NBPF9: variants seen among roughly 807,000 people sequenced by gnomAD.
NBPF9 encodes the protein NBPF member 9, also known as NBPF family member NBPF9.
Under a neutral mutation model 97.8 loss-of-function variants are expected in NBPF9, and 91 were observed. The observed-to-expected ratio is 0.93, with a 90% CI of 0.79 to 1.11. The LOEUF is 1.11. NBPF9 is among the 50% of genes least tolerant of loss of function. The probability of loss-of-function intolerance (pLI) is 0.00; values close to 1 mark genes in which losing one functional copy is unlikely to be tolerated. For missense variants in NBPF9, 992 were observed against 939.5 expected (o/e 1.06, Z -0.73); for synonymous variants, 334 against 359.5 (o/e 0.93, Z 0.80).
At chr1:149,062,364 G>T (rs1175964107) in intron 21 of NBPF9, 99 bp from the exon 22 acceptor site, 2 of 645,508 alleles carry the variant, frequency 3.1e-6, no homozygotes, top group South Asian at 1.7e-5. Context: ...TGTTTAAAAA[G>T]AAAAAGGACA....
intron 5 of NBPF9, among the ~76,000 whole-genome samples, chr1:149,084,709 A>C (rs2080847832): frequency 1.3e-5 from 2 of 151,308 alleles, no homozygotes; most frequent in African/African-American, 4.9e-5. Context: ...CCCAGGGAAA[A>C]CCTTCCTCAA....
chr1:149,103,028 G>C (rs587629204), intron 1 of NBPF9, among the ~76,000 whole-genome samples, 181 bp from the exon 2 acceptor site: 6 of 151,658 alleles, frequency 4.0e-5, no homozygotes, highest in Non-Finnish European at 8.8e-5. Context: ...GAAGCTGCTC[G>C]TCCCTCCACC....
At chr1:149,054,195 ACT>A (rs2078067740) in exon 30 of NBPF9, 1 of 137,974 alleles carries the variant, frequency 7.2e-6, no homozygotes, top group South Asian at 2.6e-4. Context: ...AAAAATTAAA[ACT>A]CAGGCAGAGA....
rs1280601669 is a variant in NBPF9, at chr1:149,079,311, T to C, written c.279-90A>G. The C allele has an allele frequency of 3.3e-5, 43 of 1,322,458 alleles. 1 individual carries two copies. The highest frequency in any genetic ancestry group is 4.3e-5 in the Non-Finnish European group (40 of 926,122). 81.9% of individuals were successfully genotyped at this position (1,322,458 alleles called of 1,614,324 possible). On this transcript the variant is annotated intron_variant, in intron 8 of 29. Coordinates refer to ENST00000584027, the Ensembl canonical transcript of NBPF9. Reference sequence around the variant, plus strand: ...AACAGAGACTTCTGAGATAATGTCCTCAAGGAGACCTTGAAACAGAAGGTC... The same window carrying C: ...AACAGAGACTTCTGAGATAATGTCCCCAAGGAGACCTTGAAACAGAAGGTC...
At position 149,072,949 on chromosome 1, in the gene NBPF9, G is replaced by C. The variant is rs1553653325; in HGVS notation, c.1092-17C>G. The C allele has an allele frequency of 1.9e-6, 3 of 1,605,806 alleles. No individual in the cohort carries two copies. The highest frequency in any genetic ancestry group is 2.6e-6 in the Non-Finnish European group (3 of 1,174,742). ...TTATATTGCCTAAGGTGAGATGGTA[G>C]AGAAAAATTAAGAGTGGAAAGGGTT... is the stretch of plus-strand genomic sequence containing the variant. On this transcript the variant is annotated splice_polypyrimidine_tract_variant and intron_variant, in intron 13 of 29. Coordinates refer to ENST00000584027, the Ensembl canonical transcript of NBPF9.
intron 11 of NBPF9, among the ~76,000 whole-genome samples, chr1:149,076,490 C>T (rs1343534816): frequency 6.7e-6 from 1 of 149,710 alleles, no homozygotes; most frequent in Non-Finnish European, 1.5e-5. Context: ...GCCAGCGCCC[C>T]TGGTCAGAGA....
chr1:149,062,536 C>T (rs1217990380), intron 21 of NBPF9, among the ~76,000 whole-genome samples: 6 of 143,348 alleles, frequency 4.2e-5, no homozygotes, highest in African/African-American at 1.6e-4. Flanking sequence ...GGTCAAAGGA[C>T]ACTCTGAGTT....
Position 149,055,483 on chromosome 1 carries a change from C to G in NBPF9, c.*173G>C, listed in dbSNP as rs1312173634. The G allele has an allele frequency of 2.9e-5, 42 of 1,442,100 alleles. No homozygotes were observed. The East Asian group carries it at 9.4e-4, about 32-fold the overall frequency. The allele number at this position is 1,442,100 out of a possible 1,614,324, so 89.3% of individuals were successfully genotyped here. ...GTCACACCTAACGTGGGTCCATTGT[C>G]TTCAGACTGAGCACAGGTTGCCACT... On this transcript the variant is annotated 3_prime_UTR_variant, in exon 30 of 30. Transcript: ENST00000584027.
At chr1:149,072,676 A>C (rs1249750460) in intron 14 of NBPF9, 42 bp downstream of exon 14, 6 of 1,604,758 alleles carry the variant, frequency 3.7e-6, no homozygotes, top group South Asian at 1.1e-5. Context: ...AGCCTCTCAT[A>C]AGCCTGGGGT....
intron 14 of NBPF9, 33 bp downstream of exon 14, chr1:149,072,685 G>A (rs620597): frequency 3.7e-6 from 6 of 1,610,630 alleles, no homozygotes; most frequent in African/African-American, 1.3e-5. Flanking sequence ...TAAGCCTGGG[G>A]TTTTGGGTCA....
chr1:149,081,174 C>CA (rs1405743080), intron 7 of NBPF9, among the ~76,000 whole-genome samples: 3 of 151,994 alleles, frequency 2.0e-5, no homozygotes, highest in Non-Finnish European at 4.4e-5. Context: ...TGCTGGAGTG[C>CA]AATAGTGCAA....
intron 5 of NBPF9, among the ~76,000 whole-genome samples, chr1:149,084,716 T>C (rs1362478067): frequency 2.0e-5 from 3 of 151,384 alleles, no homozygotes; most frequent in Non-Finnish European, 4.4e-5. Flanking sequence ...AAAACCTTCC[T>C]CAACATCACG....
At chr1:149,081,223 G>T (rs1553656652) in intron 7 of NBPF9, among the ~76,000 whole-genome samples, 1 of 152,100 alleles carries the variant, frequency 6.6e-6, no homozygotes, top group Admixed American at 6.5e-5. Context: ...GGGTTCAAAG[G>T]ATTCTTCTGC....
chr1:149,090,286 G>A (rs1357044398), intron 5 of NBPF9: 2,773 of 163,226 alleles, frequency 0.017, 85 homozygotes, highest in Middle Eastern at 0.054. Flanking sequence ...TGTATCCTAA[G>A]GCGTCCAGTT....
chr1:149,076,287 G>T (rs1379398194), intron 11 of NBPF9, among the ~76,000 whole-genome samples: 15,817 of 150,404 alleles, frequency 0.11, 1,706 homozygotes, highest in East Asian at 0.48. Context: ...CACCTCTGCC[G>T]CCCGGGTTCA....
intron 4 of NBPF9, among the ~76,000 whole-genome samples, chr1:149,095,273 A>C (rs1245356843): frequency 3.3e-5 from 5 of 151,110 alleles, no homozygotes; most frequent in African/African-American, 1.2e-4. Context: ...CACATGCAAA[A>C]AAATAAATAA....
At chr1:149,095,619 A>T (rs1466120677) in intron 4 of NBPF9, among the ~76,000 whole-genome samples, 1 of 101,838 alleles carries the variant, frequency 9.8e-6, no homozygotes, top group Admixed American at 1.0e-4. Flanking sequence ...TAAACAACAC[A>T]AAGCAAAAAA....
rs28736716 is a variant in NBPF9 at position 149,055,841 on chromosome 1, C to T, written c.3151G>A (p.Gly1051Arg). 0.017 allele frequency: 26,907 copies of T among 1,544,670 alleles called. 5,331 individuals carry two copies. In the East Asian group the frequency reaches 0.42, roughly 24 times the overall value. ...TACATTGACGGAGTAGAATAACATC[C>T]ATCCAGTGAGTCCTGCAAGACTTCA... The change falls in exon 30 of 30, where the codon GGA (glycine) becomes AGA (arginine). Residue 1051 changes from glycine (G) to arginine (R), a missense_variant. This residue lies in a region of NBPF9 where 397 missense variants were observed against 213.6 expected (regional missense o/e 1.86). Transcript: ENST00000584027.
chr1:149,067,312 A>G (rs2079091347), intron 17 of NBPF9, among the ~76,000 whole-genome samples: 1 of 118,810 alleles, frequency 8.4e-6, no homozygotes, highest in East Asian at 2.3e-4. Flanking sequence ...GTGTATATAT[A>G]TATATATATT....
Sources: allele counts gnomAD v4.1 joint callset (sites outside exome capture counted in the v4.1 genomes callset), GRCh38; gene constraint gnomAD v4.1.1; regional missense constraint gnomAD v4.1.1; transcripts MANE v1.5; gene names NCBI Gene and HGNC (gene_info 2026-07-23, HGNC 2026-07-21).